Variants in RNF180 observed in about 807,000 individuals in gnomAD.
RNF180 encodes E3 ubiquitin-protein ligase RNF180.
Under a neutral mutation model 59.2 loss-of-function variants are expected in RNF180, and 38 were observed. That is an observed-to-expected ratio of 0.64 (90% CI 0.50 to 0.84). The LOEUF (loss-of-function observed/expected upper bound fraction) is 0.84, where lower values mean the gene tolerates loss of function less well. RNF180 is among the 40% of genes least tolerant of loss of function. The probability of loss-of-function intolerance (pLI) is 0.00; values close to 1 mark genes in which losing one functional copy is unlikely to be tolerated. For synonymous variants in RNF180, 262 were observed against 240.3 expected, an observed-to-expected ratio of 1.09 and a Z score of -0.84; for missense variants, 705 against 700.9, an observed-to-expected ratio of 1.01 and a Z score of -0.07.
intron 5 of RNF180, among the ~76,000 whole-genome samples, chr5:64,261,588 AT>A (rs1290610723): frequency 5.3e-5 from 8 of 152,282 alleles, no homozygotes; most frequent in Admixed American, 1.3e-4. Context: ...TTTGAAAAAA[AT>A]ATCTCTTATC....
chr5:64,170,464 A>T (rs1272520192), intron 1 of RNF180, among the ~76,000 whole-genome samples: 16 of 152,222 alleles, frequency 1.1e-4, no homozygotes, highest in Admixed American at 1.0e-3. Context: ...CACTGAGTAG[A>T]TTAAAAGATC....
chr5:64,325,615 CA>C (rs2112523704), intron 6 of RNF180, among the ~76,000 whole-genome samples: 1 of 152,270 alleles, frequency 6.6e-6, no homozygotes, highest in African/African-American at 2.4e-5. Flanking sequence ...CCCTACTGTA[CA>C]CTCAGATCCT....
chr5:64,228,724 T>C (rs1199069306), intron 5 of RNF180, among the ~76,000 whole-genome samples: 1 of 152,108 alleles, frequency 6.6e-6, no homozygotes, highest in Non-Finnish European at 1.5e-5. Flanking sequence ...ACCCTTTTTA[T>C]TCATTTCTTG....
chr5:64,315,288 C>T (rs955926232), intron 5 of RNF180, among the ~76,000 whole-genome samples: 1 of 152,166 alleles, frequency 6.6e-6, no homozygotes, highest in Non-Finnish European at 1.5e-5. Flanking sequence ...GCAGCAAATA[C>T]CGTCAGTTGT....
At chr5:64,319,086 G>A (rs1014675025) in intron 5 of RNF180, among the ~76,000 whole-genome samples, 1 of 151,698 alleles carries the variant, frequency 6.6e-6, no homozygotes, top group African/African-American at 2.4e-5. Flanking sequence ...GCAAAACTCT[G>A]TGTGTGTGCA....
chr5:64,345,559 A>T (rs1482223008), intron 7 of RNF180, among the ~76,000 whole-genome samples: 1 of 152,242 alleles, frequency 6.6e-6, no homozygotes, highest in Non-Finnish European at 1.5e-5. Context: ...GAAGAGATGC[A>T]GTCTATAGTC....
chr5:64,285,287 G>C (rs573986029), intron 5 of RNF180, among the ~76,000 whole-genome samples: 2 of 152,194 alleles, frequency 1.3e-5, no homozygotes, highest in African/African-American at 4.8e-5. Flanking sequence ...AGCAGAACCT[G>C]TGCTCACTCA....
intron 1 of RNF180, among the ~76,000 whole-genome samples, chr5:64,168,287 A>AT (rs1268363726): frequency 6.6e-6 from 1 of 152,174 alleles, no homozygotes; most frequent in Non-Finnish European, 1.5e-5. Context: ...TACCTTCAAG[A>AT]TTTTACCACT....
intron 5 of RNF180, among the ~76,000 whole-genome samples, chr5:64,223,606 C>CT (rs2112160867): frequency 6.6e-6 from 1 of 152,280 alleles, no homozygotes; most frequent in Non-Finnish European, 1.5e-5. Flanking sequence ...GATAATAGAC[C>CT]TGTGTCCCAA....
chr5:64,308,527 T>G (rs2112474677), intron 5 of RNF180, among the ~76,000 whole-genome samples: 1 of 151,850 alleles, frequency 6.6e-6, no homozygotes, highest in South Asian at 2.1e-4. Flanking sequence ...AGCCAGGGGC[T>G]TGGAGGAACC....
intron 5 of RNF180, among the ~76,000 whole-genome samples, chr5:64,233,893 C>T (rs1441425064): frequency 5.9e-5 from 9 of 152,186 alleles, no homozygotes; most frequent in Non-Finnish European, 1.3e-4. Context: ...ACCCACTGCC[C>T]TAAATAATTT....
At chr5:64,312,648 G>C (rs762040817) in intron 5 of RNF180, among the ~76,000 whole-genome samples, 8 of 151,996 alleles carry the variant, frequency 5.3e-5, no homozygotes, top group African/African-American at 1.7e-4. Flanking sequence ...GAGTGGTTCC[G>C]TTTCACTGAT....
intron 1 of RNF180, among the ~76,000 whole-genome samples, chr5:64,189,999 A>G (rs1751059932): frequency 6.6e-6 from 1 of 152,224 alleles, no homozygotes; most frequent in Admixed American, 6.5e-5. Context: ...CCCAGAGCAC[A>G]CAGACTCACA....
At chr5:64,302,580 CAA>C (rs1272568037) in intron 5 of RNF180, among the ~76,000 whole-genome samples, 3 of 151,528 alleles carry the variant, frequency 2.0e-5, no homozygotes. Flanking sequence ...TTAGTCCATG[CAA>C]GAAGCTGTCA....
At chr5:64,361,857 A>T (rs1299292442) in intron 7 of RNF180, among the ~76,000 whole-genome samples, 1 of 151,316 alleles carries the variant, frequency 6.6e-6, no homozygotes. Flanking sequence ...TGTTATCATA[A>T]TAGTTCTAAG....
chr5:64,248,511 C>T (rs1278580985), intron 5 of RNF180, among the ~76,000 whole-genome samples: 1 of 152,182 alleles, frequency 6.6e-6, no homozygotes, highest in Non-Finnish European at 1.5e-5. Flanking sequence ...AAAAAATGCT[C>T]ATCATCACGG....
intron 1 of RNF180, among the ~76,000 whole-genome samples, chr5:64,191,399 A>G (rs1023075492): frequency 2.0e-5 from 3 of 152,204 alleles, no homozygotes; most frequent in Non-Finnish European, 4.4e-5. Flanking sequence ...CCATTACAAT[A>G]TCATACAGTA....
intron 7 of RNF180, among the ~76,000 whole-genome samples, chr5:64,358,341 C>G (rs1488493495): frequency 1.3e-5 from 2 of 151,836 alleles, no homozygotes; most frequent in Non-Finnish European, 2.9e-5. Context: ...AGTCCCATGG[C>G]CTTCGTAACT....
chr5:64,269,701 A>T (rs73103141), intron 5 of RNF180, among the ~76,000 whole-genome samples: 1 of 152,092 alleles, frequency 6.6e-6, no homozygotes, highest in Admixed American at 6.6e-5. Flanking sequence ...TTATGACCAC[A>T]TTTATTCAGC....
Sources: gnomAD v4.1 joint callset for allele counts (sites outside exome capture counted in the v4.1 genomes callset) on GRCh38, gnomAD v4.1.1 for gene constraint, MANE v1.5 for transcripts, NCBI Gene and HGNC (gene_info 2026-07-23, HGNC 2026-07-21) for gene names.